COL18A1: variants seen among roughly 807,000 people sequenced by gnomAD.
COL18A1 encodes the protein collagen alpha-1(XVIII) chain.
Under a neutral mutation model 168.0 loss-of-function variants are expected in COL18A1, and 133 were observed. The ratio of observed to expected loss-of-function variants is 0.79; its 90% CI spans 0.69 to 0.91. COL18A1 has a LOEUF of 0.91. Among genes scored for constraint, COL18A1 ranks in the 40% least tolerant of loss-of-function variants. The pLI is 0.00. For synonymous variants in COL18A1, 949 were observed against 809.0 expected, an observed-to-expected ratio of 1.17 and a Z score of -2.94; for missense variants, 2,126 against 1,925.4, an observed-to-expected ratio of 1.10 and a Z score of -1.95.
At position 45,491,892 on chromosome 21, in the gene COL18A1, G is replaced by A. The variant is rs539803196; in HGVS notation, c.2157+578G>A. ...GAGCTGAGCCCTGGGCAGATGCAGG[G>A]CCCAGGGCAGCAGAGCTGGGTGTGG... On this transcript the variant is annotated intron_variant, in intron 22 of 41. Coordinates refer to ENST00000651438, the MANE Select transcript of COL18A1 (RefSeq NM_001379500.1). Among the ~76,000 whole-genome samples the A allele has an allele frequency of 9.2e-5, 14 of 152,262 alleles. No individual in the cohort carries two copies. In the South Asian group the frequency reaches 2.9e-3, roughly 32 times the overall value.
At position 45,443,091 on chromosome 21, in the gene COL18A1, G is replaced by C. The variant is rs2034424246; in HGVS notation, c.107-25151G>C. Among the ~76,000 whole-genome samples the C allele has an allele frequency of 7.2e-6, 1 of 139,214 alleles. No individual in the cohort carries two copies. Among genetic ancestry groups the C allele is most frequent in the Non-Finnish European group, 1.6e-5 (1 of 63,026 alleles). 91.3% of individuals were successfully genotyped at this position (139,214 alleles called of 152,430 possible). The stretch of plus-strand genomic sequence containing the variant: ...TGCTGGTGTGGGTGGTGGTGGTGCT[G>C]ATGTGGGCGGCGGTGCTGGTGTGGG... On this transcript the variant is annotated intron_variant, in intron 2 of 41. Coordinates refer to ENST00000651438, the MANE Select transcript of COL18A1 (RefSeq NM_001379500.1). This position sits in a 1 kb window ranked among gnomAD's most constrained non-coding sequence, Gnocchi z 5.2.
At chr21:45,486,243 C>T (rs1320537544) in intron 15 of COL18A1, among the ~76,000 whole-genome samples, 1 of 151,532 alleles carries the variant, frequency 6.6e-6, no homozygotes, top group Non-Finnish European at 1.5e-5. Context: ...TCTCCTCTCT[C>T]CTCTCTTCTC....
intron 2 of COL18A1, among the ~76,000 whole-genome samples, chr21:45,437,747 CTCAG>C (rs1416450670): frequency 1.3e-5 from 1 of 75,298 alleles, no homozygotes; most frequent in Non-Finnish European, 2.3e-5. Context: ...CACTCACACA[CTCAG>C]ACACAGGCAC....
chr21:45,484,174 ACACACCTCTCCAGCATATGTG>A (rs1568913673), intron 15 of COL18A1, among the ~76,000 whole-genome samples: 2 of 145,432 alleles, frequency 1.4e-5, no homozygotes, highest in Admixed American at 1.4e-4. Context: ...GTACACGCGC[ACACACCTCTCCAGCATATGTG>A]CACACACACA....
intron 32 of COL18A1, among the ~76,000 whole-genome samples, chr21:45,499,386 G>A (rs1174459286): frequency 2.0e-5 from 3 of 152,202 alleles, no homozygotes; most frequent in Non-Finnish European, 2.9e-5. Flanking sequence ...GGGAACCAGC[G>A]TGGGCTGCCC....
chr21:45,506,082 G>C, intron 37 of COL18A1, 116 bp downstream of exon 37: 3 of 1,515,368 alleles, frequency 2.0e-6, no homozygotes, highest in Non-Finnish European at 2.7e-6. Flanking sequence ...GTGGCAGCCA[G>C]CGCTTCTTAA....
chr21:45,504,372 G>GT (rs2037053400), intron 33 of COL18A1, 44 bp from the exon 34 acceptor site: 2 of 1,591,412 alleles, frequency 1.3e-6, no homozygotes. Flanking sequence ...CCTGTGGCTT[G>GT]TAGGGGTTCA....
intron 2 of COL18A1, among the ~76,000 whole-genome samples, chr21:45,437,890 A>G (rs1351017008): frequency 1.6e-5 from 1 of 63,850 alleles, no homozygotes; most frequent in Non-Finnish European, 2.7e-5. Flanking sequence ...ACTCTCCTGC[A>G]CACACACACT....
At chr21:45,496,417 C>A (rs1392243067) in intron 29 of COL18A1, 83 bp from the exon 30 acceptor site, 1 of 792,508 alleles carries the variant, frequency 1.3e-6, no homozygotes, top group East Asian at 2.4e-5. Context: ...TCTGATTTTT[C>A]TGATTTTTCT....
intron 11 of COL18A1, 74 bp from the exon 12 acceptor site, chr21:45,480,393 G>A (rs774398591): frequency 1.0e-4 from 163 of 1,612,500 alleles, no homozygotes; most frequent in Non-Finnish European, 1.1e-4. Context: ...TGCAGCTTGC[G>A]GGGCAGGGGC....
intron 2 of COL18A1, among the ~76,000 whole-genome samples, chr21:45,447,212 A>G (rs1338572955): frequency 2.0e-5 from 3 of 150,288 alleles, no homozygotes; most frequent in Non-Finnish European, 4.4e-5. Flanking sequence ...TATATATATC[A>G]TATATCATAT....
intron 6 of COL18A1, 122 bp from the exon 7 acceptor site, chr21:45,477,289 C>A: frequency 1.3e-6 from 1 of 742,896 alleles, no homozygotes; most frequent in Non-Finnish European, 2.3e-6. Flanking sequence ...GGGGATCTGA[C>A]AGTGTCCAGC....
chr21:45,440,770 G>C (rs1364801203), intron 2 of COL18A1, among the ~76,000 whole-genome samples: 1 of 152,190 alleles, frequency 6.6e-6, no homozygotes, highest in Non-Finnish European at 1.5e-5. Flanking sequence ...CGTGGGGATC[G>C]TGTCTAAGCT....
chr21:45,492,499 T>A, intron 22 of COL18A1, 36 bp from the exon 23 acceptor site: 1 of 1,613,358 alleles, frequency 6.2e-7, no homozygotes, highest in Admixed American at 1.7e-5. Context: ...TAAACGCGGC[T>A]CTTTGTTTCC....
At chr21:45,429,301 T>G (rs142070406) in intron 2 of COL18A1, among the ~76,000 whole-genome samples, 83 of 152,234 alleles carry the variant, frequency 5.5e-4, no homozygotes, top group African/African-American at 1.9e-3. Flanking sequence ...CTCCCCAAGA[T>G]GAAAGGCCAG....
intron 2 of COL18A1, among the ~76,000 whole-genome samples, chr21:45,406,294 C>A (rs1351133559): frequency 6.6e-6 from 1 of 152,178 alleles, no homozygotes; most frequent in Non-Finnish European, 1.5e-5. Context: ...CGGGGGTCCA[C>A]GCAGCCAGCG....
At chr21:45,468,869 G>T (rs1043531442) in intron 3 of COL18A1, 83 bp downstream of exon 3, 1 of 1,371,644 alleles carries the variant, frequency 7.3e-7, no homozygotes, top group East Asian at 2.5e-5. Flanking sequence ...CAGGGACGGA[G>T]CTGTGGCCGG....
chr21:45,411,802 A>G (rs2033305942), intron 2 of COL18A1, among the ~76,000 whole-genome samples: 2 of 139,536 alleles, frequency 1.4e-5, no homozygotes, highest in African/African-American at 2.8e-5. Context: ...GACCTGCAGG[A>G]GAGGGGAGGG....
chr21:45,417,687 G>A (rs2033485676), intron 2 of COL18A1, among the ~76,000 whole-genome samples: 1 of 152,198 alleles, frequency 6.6e-6, no homozygotes, highest in Non-Finnish European at 1.5e-5. Flanking sequence ...ACTGTGGGGT[G>A]ACCGCTCTCG....
Sources: gnomAD v4.1 joint callset for allele counts (sites outside exome capture counted in the v4.1 genomes callset) on GRCh38, gnomAD v4.1.1 for gene constraint, Gnocchi (gnomAD v3.1) non-coding constraint, MANE v1.5 for transcripts, NCBI Gene and HGNC (gene_info 2026-07-23, HGNC 2026-07-21) for gene names.